The following FAM193B variants were observed in gnomAD, a reference collection of about 807,000 sequenced individuals.
The protein encoded by FAM193B is family with sequence similarity 193 member B.
A neutral mutation model predicts 70.7 loss-of-function variants in FAM193B; 27 were observed. The observed-to-expected ratio is 0.38, with a 90% CI of 0.28 to 0.53. The LOEUF (loss-of-function observed/expected upper bound fraction) is 0.53. FAM193B is among the 20% of genes least tolerant of loss of function. FAM193B has a pLI of 0.81. For missense variants in FAM193B, 1,022 were observed against 1,072.5 expected, an observed-to-expected ratio of 0.95 and a Z score of 0.66; for synonymous variants, 448 against 436.0, an observed-to-expected ratio of 1.03 and a Z score of -0.34.
rs766482996 is a variant in FAM193B at position 177,538,662 on chromosome 5, T to C, written c.453+243A>G. ...CAGGCTCGTGATCTACCAGTACCTATGAGTGGGCCCTCATCCTGTGCACAG... is the reference window on the plus strand; with the variant it reads ...CAGGCTCGTGATCTACCAGTACCTACGAGTGGGCCCTCATCCTGTGCACAG... On this transcript the variant is annotated intron_variant, in intron 2 of 8. Transcript: ENST00000514747. The surrounding 1 kb of genome is among the most constrained non-coding windows in gnomAD (Gnocchi z 4.1). Among the ~76,000 whole-genome samples, 3 of 152,196 alleles carry C rather than the reference T, an allele frequency of 2.0e-5. No individual in the cohort carries two copies. Among genetic ancestry groups the C allele is most frequent in the Non-Finnish European group, 2.9e-5 (2 of 68,036 alleles).
chr5:177,548,235 T>C (rs1272036368), intron 1 of FAM193B, among the ~76,000 whole-genome samples: 1 of 152,222 alleles, frequency 6.6e-6, no homozygotes, highest in East Asian at 1.9e-4. Flanking sequence ...TTATCATATA[T>C]ATTCTAGTGG....
chr5:177,540,666 T>C (rs1351604715), intron 1 of FAM193B, among the ~76,000 whole-genome samples: 7 of 152,190 alleles, frequency 4.6e-5, no homozygotes, highest in Non-Finnish European at 1.0e-4. Flanking sequence ...TCCCAGCTGA[T>C]TGGCCAGCTG....
Position 177,554,489 on chromosome 5 carries a change from A to ACGCCGC in FAM193B, c.-37_-32dup, listed in dbSNP as rs1554123264. 1.8e-5 allele frequency: 11 copies of ACGCCGC among 605,938 alleles called. No homozygotes were observed. In the African/African-American group the frequency reaches 2.3e-4, roughly 13 times the overall value. 37.5% of individuals were successfully genotyped at this position (605,938 alleles called of 1,614,324 possible). A position where few individuals can be genotyped will look rare whatever the true frequency, so the allele number is the denominator to read the frequency against. The stretch of plus-strand genomic sequence containing the variant: ...CGCTCGCGCCGCTCCCTCGCTCCAC[A>ACGCCGC]CGCCGCCGCCGCCGCCGCCGCCGCC... On this transcript the variant is annotated 5_prime_UTR_variant, in exon 1 of 9. Coordinates refer to ENST00000514747, the MANE Select transcript of FAM193B (RefSeq NM_001190946.3).
chr5:177,524,371 C>T lies in FAM193B; in HGVS notation c.2110G>A (p.Gly704Ser), dbSNP rs765907608. The T allele has an allele frequency of 5.7e-6, 9 of 1,571,902 alleles. No individual in the cohort carries two copies. The highest frequency in any genetic ancestry group is 1.7e-4 in the Middle Eastern group (1 of 5,886). ...RGSRPGPGWA[G>S]SPKTEKEKGS... ...TTCTCCTTCTCAGTTTTGGGACTGCCAGCCCAACCTGGTCCTGGCCGGCTC... is the reference window on the plus strand; with the variant it reads ...TTCTCCTTCTCAGTTTTGGGACTGCTAGCCCAACCTGGTCCTGGCCGGCTC... Residue 704 changes from glycine to serine, a missense_variant, in exon 6 of 9, where the codon GGC (glycine) becomes AGC (serine). Coordinates refer to ENST00000514747, the MANE Select transcript of FAM193B (RefSeq NM_001190946.3).
intron 1 of FAM193B, chr5:177,551,908 G>A (rs368656990): frequency 5.0e-6 from 2 of 402,762 alleles, no homozygotes; most frequent in South Asian, 2.1e-4. Flanking sequence ...TTTGCACCAG[G>A]GCACAAAAGC....
chr5:177,537,928 T>C lies in FAM193B; in HGVS notation c.633A>G (p.Pro211=). ...AHKLSGLWNS[P]HSSGAMPGSS... is the part of the protein sequence containing the mutation. Reference sequence around the variant, plus strand: ...TGCCTGGCATGGCCCCACTGGAATGTGGGGAATTCCAGAGGCCCGAGAGCT... The same window carrying C: ...TGCCTGGCATGGCCCCACTGGAATGCGGGGAATTCCAGAGGCCCGAGAGCT... The change falls in exon 3 of 9, where the codon CCA becomes CCG. Residue 211 remains proline (P), a synonymous_variant. Transcript: ENST00000514747. 6.3e-7 allele frequency: 1 copy of C among 1,596,058 alleles called. No homozygotes were observed. The highest frequency in any genetic ancestry group is 8.5e-7 in the Non-Finnish European group (1 of 1,171,384).
intron 1 of FAM193B, among the ~76,000 whole-genome samples, chr5:177,550,045 T>C (rs2878524): frequency 6.6e-5 from 10 of 152,166 alleles, no homozygotes; most frequent in Non-Finnish European, 1.3e-4. Context: ...CTGGGTGTAG[T>C]GGCATGCACA....
At chr5:177,554,027 G>A (rs1278736186) in intron 1 of FAM193B, 1 of 1,331,864 alleles carries the variant, frequency 7.5e-7, no homozygotes, top group Non-Finnish European at 9.6e-7. Flanking sequence ...GAGGGGAGCA[G>A]CTTCAGCCTA....
intron 1 of FAM193B, among the ~76,000 whole-genome samples, chr5:177,546,012 A>C (rs1765383676): frequency 1.3e-5 from 2 of 152,078 alleles, no homozygotes; most frequent in African/African-American, 4.8e-5. Flanking sequence ...GCAGAGGACA[A>C]CACCAGCAGC....
In FAM193B at chr5:177,538,060, G is replaced by A. The variant is rs1404704560; in HGVS notation, c.501C>T (p.Asp167=). The part of the protein sequence containing the change: ...TSCKSQSCGD[D]SHSSSSSSSS... ...AGGAGGAAGACGAGGACGAATGAGA[G>A]TCATCTCCACAAGACTGTGATTTGC... Residue 167 remains aspartate (D), a synonymous_variant, in exon 3 of 9, where the codon GAC becomes GAT. Transcript: ENST00000514747. This position sits in a 1 kb window ranked among gnomAD's most constrained non-coding sequence, Gnocchi z 4.1. The A allele has an allele frequency of 6.4e-7, 1 of 1,552,312 alleles. No individual in the cohort carries two copies. The highest frequency in any genetic ancestry group is 1.4e-5 in the African/African-American group (1 of 73,054).
At chr5:177,537,043 G>T (rs1764258673) in intron 3 of FAM193B, among the ~76,000 whole-genome samples, 1 of 152,196 alleles carries the variant, frequency 6.6e-6, no homozygotes, top group Non-Finnish European at 1.5e-5. Context: ...TCTAGGATCT[G>T]CTTGTACACA....
chr5:177,548,252 T>G (rs1765734722), intron 1 of FAM193B, among the ~76,000 whole-genome samples: 1 of 152,222 alleles, frequency 6.6e-6, no homozygotes, highest in African/African-American at 2.4e-5. Flanking sequence ...GTGGTTGAAA[T>G]CTGTCCTTTC....
At chr5:177,553,331 TCCTGCAGGAGCCTG>T (rs1478101341) in intron 1 of FAM193B, 2 of 991,368 alleles carry the variant, frequency 2.0e-6, no homozygotes, top group Admixed American at 1.2e-4. Flanking sequence ...CCTCCAAGAC[TCCTGCAGGAGCCTG>T]CCTTCCTGGG....
chr5:177,537,962 G>C lies in FAM193B; in HGVS notation c.599C>G (p.Ser200Trp). The change falls in exon 3 of 9, where the codon TCG becomes TGG. Residue 200 changes from serine to tryptophan, a missense_variant. Ser to Trp is a radical substitution (Grantham distance 177). Coordinates refer to ENST00000514747, the MANE Select transcript of FAM193B (RefSeq NM_001190946.3). ...SGDWDPSSFL[S>W]AHKLSGLWNS... ...CCAGAGGCCCGAGAGCTTATGTGCC[G>C]ACAGGAACGAGCTAGGATCCCAGTC... 1 of 1,567,520 alleles carries C rather than the reference G, an allele frequency of 6.4e-7. No individual in the cohort carries two copies. The highest frequency in any genetic ancestry group is 1.2e-5 in the South Asian group (1 of 85,048).
At position 177,524,932 on chromosome 5, in the gene FAM193B, G is replaced by A; in HGVS notation, c.1549C>T (p.Pro517Ser). The A allele has an allele frequency of 1.3e-6, 2 of 1,506,926 alleles. No individual in the cohort carries two copies. Among genetic ancestry groups the A allele is most frequent in the Non-Finnish European group, 1.8e-6 (2 of 1,129,502 alleles). The allele number at this position is 1,506,926 out of a possible 1,614,324, so 93.3% of individuals were successfully genotyped here. A position where few individuals can be genotyped will look rare whatever the true frequency, so the allele number is the denominator to read the frequency against. The change falls in exon 6 of 9, where the codon CCC (proline) becomes TCC (serine). Residue 517 changes from proline (P) to serine (S), a missense_variant. Pro to Ser is a moderately conservative substitution (Grantham distance 74). Coordinates refer to ENST00000514747, the MANE Select transcript of FAM193B (RefSeq NM_001190946.3). ...AAEPEPQSLP[P>S]SNLSGSSEQQ... ...TCTGAGGAGCCACTGAGGTTTGAGGGGGGTAGACTCTGAGGCTCAGGCTCA... is the reference window on the plus strand; with the variant it reads ...TCTGAGGAGCCACTGAGGTTTGAGGAGGGTAGACTCTGAGGCTCAGGCTCA...
chr5:177,526,315 T>C (rs1762590862), intron 5 of FAM193B, among the ~76,000 whole-genome samples: 2 of 152,138 alleles, frequency 1.3e-5, no homozygotes, highest in Admixed American at 6.5e-5. Context: ...CCAGGGTCAG[T>C]ATGAGGACAG....
chr5:177,532,240 G>T lies in FAM193B; in HGVS notation c.1275+203C>A. The T allele has an allele frequency of 6.7e-7, 1 of 1,495,616 alleles. No individual in the cohort carries two copies. The highest frequency in any genetic ancestry group is 8.9e-7 in the Non-Finnish European group (1 of 1,128,524). The allele number at this position is 1,495,616 out of a possible 1,614,324, so 92.6% of individuals were successfully genotyped here. ...TCAATCTTAAGAGAAACCATGAGAA[G>T]AGCAAAGGTAGCAAAATGTTTAAAA... is the stretch of plus-strand genomic sequence containing the variant. On this transcript the variant is annotated intron_variant, in intron 5 of 8. Transcript: ENST00000514747. The surrounding 1 kb of genome is among the most constrained non-coding windows in gnomAD (Gnocchi z 4.9).
At chr5:177,542,815 T>C (rs1410151513) in intron 1 of FAM193B, among the ~76,000 whole-genome samples, 2 of 152,240 alleles carry the variant, frequency 1.3e-5, no homozygotes, top group African/African-American at 4.8e-5. Context: ...CAATTTATTT[T>C]CCTGTATCTT....
rs1164713935 is a variant in FAM193B at position 177,522,074 on chromosome 5, G to A, written c.2373-3C>T. ...GCTTTGCAGAATCCAAACAGAACCT[G>A]TTGGGTTTGGGGGACACATGAGAAG... On this transcript the variant is annotated splice_polypyrimidine_tract_variant and splice_region_variant and intron_variant, in intron 7 of 8. Transcript: ENST00000514747. The A allele has an allele frequency of 6.2e-7, 1 of 1,613,318 alleles. No individual in the cohort carries two copies. Among genetic ancestry groups the A allele is most frequent in the Admixed American group, 1.7e-5 (1 of 60,016 alleles).
Sources: allele counts gnomAD v4.1 joint callset (sites outside exome capture counted in the v4.1 genomes callset), GRCh38; gene constraint gnomAD v4.1.1; non-coding constraint Gnocchi (gnomAD v3.1); transcripts MANE v1.5; gene names NCBI Gene and HGNC (gene_info 2026-07-23, HGNC 2026-07-21).